The following BARX2 variants were observed in gnomAD, a reference collection of about 807,000 sequenced individuals.
BARX2 encodes BARX homeobox 2.
A neutral mutation model predicts 25.5 loss-of-function variants in BARX2; 11 were observed. The ratio of observed to expected loss-of-function variants is 0.43; its 90% CI spans 0.27 to 0.71. BARX2 has a LOEUF of 0.71. Among genes scored for constraint, BARX2 ranks in the 30% least tolerant of loss-of-function variants. The pLI is 0.19. For synonymous variants in BARX2, 137 were observed against 149.5 expected, an observed-to-expected ratio of 0.92 and a Z score of 0.61; for missense variants, 360 against 359.9, an observed-to-expected ratio of 1.00 and a Z score of 0.00.
At chr11:129,408,026 A>AAC in intron 1 of BARX2, among the ~76,000 whole-genome samples, 1 of 149,766 alleles carries the variant, frequency 6.7e-6, no homozygotes, top group South Asian at 2.1e-4. Flanking sequence ...GTCTCAAAAA[A>AAC]AAAAAAAAAA....
intron 1 of BARX2, among the ~76,000 whole-genome samples, chr11:129,432,383 A>G (rs555175058): frequency 6.6e-6 from 1 of 152,140 alleles, no homozygotes; most frequent in Non-Finnish European, 1.5e-5. Context: ...AAAGACTACT[A>G]TTTCTCCACA....
intron 1 of BARX2, among the ~76,000 whole-genome samples, chr11:129,401,459 A>T (rs1174576342): frequency 2.0e-5 from 3 of 152,212 alleles, no homozygotes; most frequent in Non-Finnish European, 2.9e-5. Context: ...AAAATTTTAG[A>T]CTTCAATAAT....
At chr11:129,405,171 G>A (rs1322725423) in intron 1 of BARX2, among the ~76,000 whole-genome samples, 1 of 152,196 alleles carries the variant, frequency 6.6e-6, no homozygotes, top group Non-Finnish European at 1.5e-5. Context: ...TCCTCTGGAT[G>A]TGGCTCAATT....
rs545983172 is a variant in BARX2, at chr11:129,432,744, C to G, written c.188-4007C>G. Reference sequence around the variant, plus strand: ...TTTAGAATGGGAATGAAACTTATAACTCATTTAATGTAACTTTCCTTTTTA... The same window carrying G: ...TTTAGAATGGGAATGAAACTTATAAGTCATTTAATGTAACTTTCCTTTTTA... On this transcript the variant is annotated intron_variant, in intron 1 of 3. Coordinates refer to ENST00000281437, the MANE Select transcript of BARX2 (RefSeq NM_003658.5). Among the ~76,000 whole-genome samples the G allele has an allele frequency of 7.9e-5, 12 of 152,258 alleles. 1 individual carries two copies. Among genetic ancestry groups the G allele is most frequent in the Admixed American group, 7.2e-4 (11 of 15,292 alleles).
chr11:129,415,243 C>T (rs2047081), intron 1 of BARX2, among the ~76,000 whole-genome samples: 59,320 of 151,914 alleles, frequency 0.39, 15,099 homozygotes, highest in African/African-American at 0.72. Flanking sequence ...GTTTCAGGTG[C>T]GTTTTTGTTG....
At position 129,392,231 on chromosome 11, in the gene BARX2, C is replaced by G. The variant is rs577014279; in HGVS notation, c.187+16009C>G. On this transcript the variant is annotated intron_variant, in intron 1 of 3. Transcript: ENST00000281437. The stretch of plus-strand genomic sequence containing the variant: ...GTGAGGCTTTGCGTCTCCAAGGTAG[C>G]CTTTGAGCTAATGAAACCCACTGTG... Among the ~76,000 whole-genome samples the G allele has an allele frequency of 2.0e-3, 308 of 152,284 alleles. 1 individual carries two copies. Among genetic ancestry groups the G allele is most frequent in the African/African-American group, 7.2e-3 (298 of 41,554 alleles).
chr11:129,451,726 A>C lies in BARX2; in HGVS notation c.*324A>C. ...TATGTTGCAAGCCCTATATCCTAGC[A>C]TGCAGTGGAAAGTGCTTAGCTCTCT... On this transcript the variant is annotated 3_prime_UTR_variant, in exon 4 of 4. Transcript: ENST00000281437. 1 of 282,308 alleles carries C rather than the reference A, an allele frequency of 3.5e-6. No individual in the cohort carries two copies. The allele number at this position is 282,308 out of a possible 1,614,324, so 17.5% of individuals were successfully genotyped here. A position where few individuals can be genotyped will look rare whatever the true frequency, so the allele number is the denominator to read the frequency against.
intron 1 of BARX2, among the ~76,000 whole-genome samples, chr11:129,381,406 G>GT (rs1300178025): frequency 1.3e-5 from 2 of 152,016 alleles, no homozygotes; most frequent in African/African-American, 2.4e-5. Context: ...TTGTTTGTTT[G>GT]TTGTTGTTTT....
At chr11:129,410,195 C>T (rs1306422546) in intron 1 of BARX2, among the ~76,000 whole-genome samples, 3 of 152,104 alleles carry the variant, frequency 2.0e-5, no homozygotes, top group Non-Finnish European at 2.9e-5. Context: ...TATATCCTTG[C>T]GTTTTAATCT....
intron 1 of BARX2, among the ~76,000 whole-genome samples, chr11:129,379,584 G>A (rs1253088227): frequency 6.6e-6 from 1 of 152,090 alleles, no homozygotes; most frequent in African/African-American, 2.4e-5. Context: ...GTTTCTTGGG[G>A]TAGAATAGTT....
chr11:129,448,949 A>G (rs1042070494), intron 3 of BARX2, among the ~76,000 whole-genome samples: 1 of 152,240 alleles, frequency 6.6e-6, no homozygotes, highest in Admixed American at 6.5e-5. Context: ...CACATATTAT[A>G]TGATTCTGTT....
intron 3 of BARX2, among the ~76,000 whole-genome samples, chr11:129,446,595 T>C (rs899752490): frequency 1.3e-5 from 2 of 152,222 alleles, no homozygotes. Context: ...ACAAAATCCA[T>C]GTCTTCAGAG....
intron 1 of BARX2, among the ~76,000 whole-genome samples, chr11:129,426,840 A>G (rs1335587000): frequency 6.6e-6 from 1 of 150,812 alleles, no homozygotes; most frequent in African/African-American, 2.4e-5. Flanking sequence ...CCAAGTAACT[A>G]TTTGGGGAGT....
intron 1 of BARX2, among the ~76,000 whole-genome samples, chr11:129,425,708 G>A (rs567704004): frequency 1.2e-4 from 18 of 152,286 alleles, no homozygotes; most frequent in African/African-American, 4.3e-4. Context: ...GACTTGGCTT[G>A]TCTCTGCAAA....
intron 2 of BARX2, among the ~76,000 whole-genome samples, chr11:129,441,184 G>A (rs1488552509): frequency 1.3e-5 from 2 of 152,144 alleles, no homozygotes; most frequent in Non-Finnish European, 2.9e-5. Context: ...TGCTTCCTGG[G>A]ATGAAGCATC....
At chr11:129,378,563 CTTTTTTTTTTTT>C (rs56804728) in intron 1 of BARX2, among the ~76,000 whole-genome samples, 1 of 111,210 alleles carries the variant, frequency 9.0e-6, no homozygotes, top group South Asian at 3.1e-4. Flanking sequence ...TTTTCTTTTT[CTTTTTTTTTTTT>C]TTTTTTTTGC....
chr11:129,388,920 T>C (rs1402235107), intron 1 of BARX2, among the ~76,000 whole-genome samples: 2 of 152,160 alleles, frequency 1.3e-5, no homozygotes, highest in African/African-American at 4.8e-5. Context: ...TTAGGTAAAT[T>C]ACTTAACTTC....
In BARX2 at chr11:129,390,482, CAT is replaced by C. The variant is rs1861655882; in HGVS notation, c.187+14263_187+14264del. ...CCTGTGGATTCAGAAAAACAAAATG[CAT>C]ATGTTTGTGTTCCAGTAGGAGGGGA... On this transcript the variant is annotated intron_variant, in intron 1 of 3. Transcript: ENST00000281437. This position sits in a 1 kb window ranked among gnomAD's most constrained non-coding sequence, Gnocchi z 4.3. Among the ~76,000 whole-genome samples the C allele has an allele frequency of 1.3e-5, 2 of 151,840 alleles. No homozygotes were observed. Among genetic ancestry groups the C allele is most frequent in the African/African-American group, 4.8e-5 (2 of 41,326 alleles).
intron 2 of BARX2, among the ~76,000 whole-genome samples, chr11:129,441,657 C>T (rs1452002723): frequency 6.6e-6 from 1 of 152,090 alleles, no homozygotes; most frequent in African/African-American, 2.4e-5. Context: ...ACCATGTTGG[C>T]CAGGCTGGTC....
Sources: gnomAD v4.1 joint callset for allele counts (sites outside exome capture counted in the v4.1 genomes callset) on GRCh38, gnomAD v4.1.1 for gene constraint, Gnocchi (gnomAD v3.1) non-coding constraint, MANE v1.5 for transcripts, NCBI Gene and HGNC (gene_info 2026-07-23, HGNC 2026-07-21) for gene names.